CYP17A1: variants seen among roughly 807,000 people sequenced by gnomAD.
The protein encoded by CYP17A1 is steroid 17-alpha-hydroxylase/17,20 lyase.
Under a neutral mutation model 38.5 loss-of-function variants are expected in CYP17A1, and 27 were observed. The observed-to-expected ratio is 0.70, with a 90% CI of 0.52 to 0.97. The LOEUF is 0.97. Ranked by LOEUF, CYP17A1 falls within the 50% of genes least tolerant of loss-of-function variation. The probability of loss-of-function intolerance (pLI) is 0.00; values close to 1 mark genes in which losing one functional copy is unlikely to be tolerated. For missense variants in CYP17A1, 549 were observed against 645.9 expected (o/e 0.85, Z 1.63); for synonymous variants, 263 against 253.3 (o/e 1.04, Z -0.36).
chr10:102,836,792 G>A (rs944054334), intron 1 of CYP17A1: 1 of 518,848 alleles, frequency 1.9e-6, no homozygotes, highest in African/African-American at 1.9e-5. Context: ...GAGAGGAGTG[G>A]AGTGAGGATT....
chr10:102,836,898 G>T, intron 1 of CYP17A1, 167 bp downstream of exon 1: 1 of 671,032 alleles, frequency 1.5e-6, no homozygotes, highest in Non-Finnish European at 2.7e-6. Flanking sequence ...TAATTTAGAG[G>T]CTGGGTGGGG....
intron 2 of CYP17A1, 69 bp from the exon 3 acceptor site, chr10:102,835,083 C>T (rs1844142270): frequency 8.6e-7 from 1 of 1,158,964 alleles, no homozygotes; most frequent in African/African-American, 1.5e-5. Flanking sequence ...TACCAGTTGC[C>T]TCTTAACAGG....
At chr10:102,835,126 GGCA>G in intron 2 of CYP17A1, 112 bp from the exon 3 acceptor site, 1 of 1,081,682 alleles carries the variant, frequency 9.2e-7, no homozygotes, top group South Asian at 1.3e-5. Flanking sequence ...GCCACTAGAT[GGCA>G]GCAGTAGCCA....
chr10:102,832,422 C>G (rs1844102676), intron 6 of CYP17A1, 89 bp downstream of exon 6: 4 of 878,512 alleles, frequency 4.6e-6, no homozygotes, highest in Non-Finnish European at 5.8e-6. Context: ...GGTTGGCCAG[C>G]AGGGGCCGGG....
rs752811843 is a variant in CYP17A1 at position 102,832,565 on chromosome 10, C to T, written c.1085G>A (p.Arg362His). The stretch of plus-strand genomic sequence containing the variant: ...GAGCATAGGGGCCACGGGCCTGAGG[C>T]GAAGCACCTCTCGGATGGTGGCCTC... ...LLEATIREVL[R>H]LRPVAPMLIP... The change falls in exon 6 of 8, where the codon CGC (arginine) becomes CAC (histidine). Residue 362 changes from arginine (R) to histidine (H), a missense_variant. This residue lies in a region of CYP17A1 where 257 missense variants were observed against 307.9 expected (regional missense o/e 0.83). Coordinates refer to ENST00000369887, the MANE Select transcript of CYP17A1 (RefSeq NM_000102.4). 7.4e-6 allele frequency: 12 copies of T among 1,611,212 alleles called. No individual in the cohort carries two copies. In the Admixed American group the frequency reaches 1.8e-4, roughly 25 times the overall value.
In CYP17A1 at chr10:102,830,820, T is replaced by C; in HGVS notation, c.1409A>G (p.Asp470Gly). ...GCCTTCCAGGGAGGGCAGCTGCCCA[T>C]CATCTGGCACCTCCAGGTCGAACCT... Reference protein sequence around the residue: ...LQRFDLEVPDDGQLPSLEGIP... With the variant: ...LQRFDLEVPDGGQLPSLEGIP... Residue 470 changes from aspartate (D) to glycine (G), a missense_variant, in exon 8 of 8, where the codon GAT becomes GGT. Transcript: ENST00000369887. This position sits in a 1 kb window ranked among gnomAD's most constrained non-coding sequence, Gnocchi z 4.1. 1 of 1,594,682 alleles carries C rather than the reference T, an allele frequency of 6.3e-7. No homozygotes were observed. The highest frequency in any genetic ancestry group is 8.6e-7 in the Non-Finnish European group (1 of 1,166,762).
intron 6 of CYP17A1, chr10:102,831,831 G>A (rs1400195847): frequency 2.7e-6 from 2 of 740,518 alleles, no homozygotes; most frequent in Non-Finnish European, 4.4e-6. Flanking sequence ...ACCTGTGTCT[G>A]TGGACTTTGG....
At position 102,835,572 on chromosome 10, in the gene CYP17A1, TA is replaced by T. The variant is rs2134084449; in HGVS notation, c.298-181del. 1.0e-5 allele frequency: 7 copies of T among 671,176 alleles called. No individual in the cohort carries two copies. The South Asian group carries it at 1.1e-4, about 11-fold the overall frequency. 41.6% of individuals were successfully genotyped at this position (671,176 alleles called of 1,614,324 possible). ...TGCAAGGACTTGGTAGGACAGACCC[TA>T]AGGCCTCCTACTCCCAATTCCTTCA... is the stretch of plus-strand genomic sequence containing the variant. On this transcript the variant is annotated intron_variant, in intron 1 of 7. Transcript: ENST00000369887.
chr10:102,834,898 T>C lies in CYP17A1; in HGVS notation c.553A>G (p.Asn185Asp). 6.2e-7 allele frequency: 1 copy of C among 1,613,782 alleles called. No individual in the cohort carries two copies. Among genetic ancestry groups the C allele is most frequent in the Non-Finnish European group, 8.5e-7 (1 of 1,179,834 alleles). The change falls in exon 3 of 8, where the codon AAT (asparagine) becomes GAT (aspartate). Residue 185 changes from asparagine to aspartate, a missense_variant. Physicochemically the swap from Asn to Asp is conservative, Grantham distance 23. Coordinates refer to ENST00000369887, the MANE Select transcript of CYP17A1 (RefSeq NM_000102.4). ...VTNVISLICF[N>D]TSYKNGDPEL... ...GGGTCCCCATTCTTGTAGGAGGTAT[T>C]GAAGCAGATCAAGGAGATGACATTG...
At chr10:102,833,363 G>A (rs757786414) in intron 4 of CYP17A1, 155 bp from the exon 5 acceptor site, 4 of 1,445,488 alleles carry the variant, frequency 2.8e-6, no homozygotes, top group Admixed American at 4.1e-5. Flanking sequence ...GAGGTAGGAG[G>A]CAGCCCCGGG....
intron 4 of CYP17A1, 121 bp from the exon 5 acceptor site, chr10:102,833,329 C>T: frequency 1.3e-6 from 2 of 1,568,640 alleles, no homozygotes; most frequent in Non-Finnish European, 1.7e-6. Flanking sequence ...TAGAGCAAGT[C>T]TGGGCAGGAC....
chr10:102,835,892 A>C (rs1425064367), intron 1 of CYP17A1, among the ~76,000 whole-genome samples: 3 of 152,138 alleles, frequency 2.0e-5, no homozygotes, highest in African/African-American at 7.2e-5. Context: ...GCAAGCCTGC[A>C]TACCCAGCCA....
intron 4 of CYP17A1, 154 bp downstream of exon 4, chr10:102,833,882 G>A (rs546644492): frequency 8.8e-4 from 540 of 614,326 alleles, no homozygotes; most frequent in African/African-American, 7.6e-3. Flanking sequence ...GTGAGCCACC[G>A]CGCCCAGCCC....
At position 102,837,167 on chromosome 10, in the gene CYP17A1, C is replaced by A. The variant is rs6163; in HGVS notation, c.195G>T (p.Ser65=). The A allele has an allele frequency of 0.38, 608,282 of 1,589,132 alleles. 117,961 individuals are homozygous for A. The highest frequency in any genetic ancestry group is 0.51 in the East Asian group (22,929 of 44,694). The change falls in exon 1 of 8, where the codon TCG becomes TCT. Residue 65 remains serine, a synonymous_variant. Coordinates refer to ENST00000369887, the MANE Select transcript of CYP17A1 (RefSeq NM_000102.4). ...KLQKKYGPIY[S]VRMGTKTTVI... ...CTGTAGTCTTGGTGCCCATACGAAC[C>A]GAATAGATGGGGCCATATTTTTTCT...
chr10:102,833,419 C>A, intron 4 of CYP17A1: 3 of 781,804 alleles, frequency 3.8e-6, no homozygotes, highest in Non-Finnish European at 5.8e-6. Flanking sequence ...CTAGGATCCT[C>A]TTCAGTTCCT....
At position 102,830,839 on chromosome 10, in the gene CYP17A1, C is replaced by A; in HGVS notation, c.1390G>T (p.Asp464Tyr). ...LIMAWLLQRFDLEVPDDGQLP... is the reference protein window; with the variant it reads ...LIMAWLLQRFYLEVPDDGQLP... ...TGCCCATCATCTGGCACCTCCAGGT[C>A]GAACCTCTGCAGCAGCCAGGCCATG... The change falls in exon 8 of 8, where the codon GAC becomes TAC. Residue 464 changes from aspartate (D) to tyrosine (Y), a missense_variant. Physicochemically the swap from Asp to Tyr is radical, Grantham distance 160 (BLOSUM62 -3). Transcript: ENST00000369887. The surrounding 1 kb of genome is among the most constrained non-coding windows in gnomAD (Gnocchi z 4.1). 1 of 1,597,122 alleles carries A rather than the reference C, an allele frequency of 6.3e-7. No individual in the cohort carries two copies.
intron 4 of CYP17A1, 161 bp downstream of exon 4, chr10:102,833,875 A>G: frequency 1.7e-6 from 1 of 600,284 alleles, no homozygotes; most frequent in Non-Finnish European, 3.0e-6. Flanking sequence ...TACAGGCGTG[A>G]GCCACCGCGC....
Position 102,837,373 on chromosome 10 carries a change from GC to G in CYP17A1, c.-13del. The G allele has an allele frequency of 6.3e-7, 1 of 1,589,662 alleles. No homozygotes were observed. Among genetic ancestry groups the G allele is most frequent in the Non-Finnish European group, 8.6e-7 (1 of 1,157,862 alleles). ...ACGAGCTCCCACATGGTGGCTGGGT[GC>G]CGGCAGGCAAGATAGACAGCAGTGG... On this transcript the variant is annotated 5_prime_UTR_variant, in exon 1 of 8. Transcript: ENST00000369887.
At chr10:102,834,272 G>C (rs1456411031) in intron 3 of CYP17A1, 150 bp from the exon 4 acceptor site, 2 of 679,010 alleles carry the variant, frequency 2.9e-6, no homozygotes, top group East Asian at 5.5e-5. Flanking sequence ...GGCAAGATGG[G>C]GACACAGAAC....
Sources: allele counts gnomAD v4.1 joint callset (sites outside exome capture counted in the v4.1 genomes callset), GRCh38; gene constraint gnomAD v4.1.1; regional missense constraint gnomAD v4.1.1; non-coding constraint Gnocchi (gnomAD v3.1); transcripts MANE v1.5; gene names NCBI Gene and HGNC (gene_info 2026-07-23, HGNC 2026-07-21).